The following ADAMTSL1 variants were observed in gnomAD, a reference collection of about 807,000 sequenced individuals.
The protein encoded by ADAMTSL1 is ADAMTS like 1, also known as ADAMTS-like protein 1.
Under a neutral mutation model 201.8 loss-of-function variants are expected in ADAMTSL1, and 126 were observed. That is an observed-to-expected ratio of 0.62 (90% CI 0.54 to 0.72). The LOEUF is 0.72. Ranked by LOEUF, ADAMTSL1 falls within the 30% of genes least tolerant of loss-of-function variation. The probability of loss-of-function intolerance (pLI) is 0.00; values close to 1 mark genes in which losing one functional copy is unlikely to be tolerated. For synonymous variants in ADAMTSL1, 1,121 were observed against 903.4 expected, an observed-to-expected ratio of 1.24 and a Z score of -4.32; for missense variants, 2,679 against 2,277.8, an observed-to-expected ratio of 1.18 and a Z score of -3.59.
chr9:18,700,591 A>G (rs1434605203), intron 13 of ADAMTSL1, among the ~76,000 whole-genome samples: 2 of 152,158 alleles, frequency 1.3e-5, no homozygotes, highest in Non-Finnish European at 2.9e-5. Flanking sequence ...AATCAGGGGA[A>G]GGATCAACTT....
intron 2 of ADAMTSL1, among the ~76,000 whole-genome samples, chr9:18,523,409 G>A (rs915929824): frequency 3.3e-5 from 5 of 152,194 alleles, no homozygotes; most frequent in South Asian, 2.1e-4. Flanking sequence ...CACTATGATG[G>A]TAGTTTCTTT....
At chr9:17,926,841 T>C (rs1018233830) in intron 1 of ADAMTSL1, among the ~76,000 whole-genome samples, 3 of 152,206 alleles carry the variant, frequency 2.0e-5, no homozygotes, top group African/African-American at 7.2e-5. Flanking sequence ...GACATTACAG[T>C]GAAACCACTT....
intron 16 of ADAMTSL1, among the ~76,000 whole-genome samples, chr9:18,765,213 T>G (rs941839698): frequency 5.3e-5 from 8 of 152,164 alleles, no homozygotes; most frequent in African/African-American, 1.9e-4. Context: ...AAAGAAAACT[T>G]CAGCCACTAC....
intron 4 of ADAMTSL1, among the ~76,000 whole-genome samples, chr9:18,585,010 A>G (rs1823387840): frequency 6.6e-6 from 1 of 152,196 alleles, no homozygotes; most frequent in Non-Finnish European, 1.5e-5. Context: ...TCTTCGATCT[A>G]GGTTTTTTTC....
chr9:18,904,156 C>T (rs1424616327), intron 26 of ADAMTSL1, among the ~76,000 whole-genome samples: 1 of 152,042 alleles, frequency 6.6e-6, no homozygotes, highest in African/African-American at 2.4e-5. Flanking sequence ...TCTGTATGCA[C>T]ACTGTACTGC....
chr9:18,876,966 G>A (rs1184706576), intron 23 of ADAMTSL1, among the ~76,000 whole-genome samples: 5 of 151,420 alleles, frequency 3.3e-5, no homozygotes, highest in Non-Finnish European at 7.4e-5. Context: ...TTTTTTCTTT[G>A]TCAGATTGGG....
chr9:17,983,327 C>T (rs1818798443), intron 1 of ADAMTSL1, among the ~76,000 whole-genome samples: 1 of 152,008 alleles, frequency 6.6e-6, no homozygotes, highest in Non-Finnish European at 1.5e-5. Flanking sequence ...CCTCAGCCTC[C>T]CAAAGTGCTG....
intron 2 of ADAMTSL1, among the ~76,000 whole-genome samples, chr9:18,322,809 A>G (rs1034753983): frequency 3.3e-5 from 5 of 152,254 alleles, no homozygotes; most frequent in African/African-American, 9.6e-5. Flanking sequence ...TATGCCAATA[A>G]ATATAGCAAC....
intron 26 of ADAMTSL1, among the ~76,000 whole-genome samples, chr9:18,902,283 C>T (rs1441958161): frequency 6.6e-6 from 1 of 152,112 alleles, no homozygotes; most frequent in Non-Finnish European, 1.5e-5. Context: ...CAGAGGACTC[C>T]ACCCAATAAC....
chr9:18,573,960 A>G, intron 3 of ADAMTSL1, 70 bp from the exon 4 acceptor site: 1 of 1,274,160 alleles, frequency 7.8e-7, no homozygotes, highest in East Asian at 2.3e-5. Context: ...CAGACCATAT[A>G]GCTGCTCTGG....
At chr9:18,741,374 TGAAAG>T (rs1288030392) in intron 15 of ADAMTSL1, among the ~76,000 whole-genome samples, 1 of 152,046 alleles carries the variant, frequency 6.6e-6, no homozygotes. Flanking sequence ...ACAATTATCA[TGAAAG>T]GAAAGAGGAG....
At chr9:18,177,413 G>A (rs66977612) in intron 2 of ADAMTSL1, among the ~76,000 whole-genome samples, 22,318 of 152,126 alleles carry the variant, frequency 0.15, 1,842 homozygotes, top group East Asian at 0.24. Flanking sequence ...AAAACGTTGC[G>A]TCATTTAATA....
At chr9:18,029,610 A>C (rs1446418877) in intron 1 of ADAMTSL1, among the ~76,000 whole-genome samples, 2 of 152,222 alleles carry the variant, frequency 1.3e-5, no homozygotes, top group African/African-American at 2.4e-5. Context: ...GTGAACAGGC[A>C]ACCTACAGAA....
chr9:18,304,242 G>A (rs1205781657), intron 2 of ADAMTSL1, among the ~76,000 whole-genome samples: 4 of 151,800 alleles, frequency 2.6e-5, no homozygotes, highest in African/African-American at 9.7e-5. Context: ...AATCTTTGAA[G>A]TGACGGTGGC....
intron 20 of ADAMTSL1, among the ~76,000 whole-genome samples, chr9:18,806,923 T>A (rs1823165384): frequency 6.7e-6 from 1 of 150,012 alleles, no homozygotes; most frequent in African/African-American, 2.5e-5. Context: ...TATGTCAGGC[T>A]CTCCTGTTGT....
chr9:18,164,378 G>C (rs1425842592), intron 2 of ADAMTSL1, among the ~76,000 whole-genome samples: 1 of 151,776 alleles, frequency 6.6e-6, no homozygotes, highest in East Asian at 1.9e-4. Context: ...TCCAATCCTG[G>C]CTTCTTTGTA....
intron 2 of ADAMTSL1, among the ~76,000 whole-genome samples, chr9:18,425,148 C>G (rs538708339): frequency 1.3e-5 from 2 of 151,914 alleles, no homozygotes; most frequent in South Asian, 4.2e-4. Flanking sequence ...CTCTCTCTCC[C>G]CCTCCACTCC....
At chr9:18,277,268 A>C (rs1049153435) in intron 2 of ADAMTSL1, among the ~76,000 whole-genome samples, 4 of 152,178 alleles carry the variant, frequency 2.6e-5, no homozygotes, top group Non-Finnish European at 5.9e-5. Context: ...TTTGGTCTAA[A>C]GTGTTGTTCA....
At chr9:18,574,545 A>T in intron 4 of ADAMTSL1, 1 of 555,136 alleles carries the variant, frequency 1.8e-6, no homozygotes, top group South Asian at 2.7e-5. Context: ...TATGTACTAG[A>T]CTTTGAAATT....
Sources: allele counts gnomAD v4.1 joint callset (sites outside exome capture counted in the v4.1 genomes callset), GRCh38; gene constraint gnomAD v4.1.1; transcripts MANE v1.5; gene names NCBI Gene and HGNC (gene_info 2026-07-23, HGNC 2026-07-21).